SLCO1A2: variants seen among roughly 807,000 people sequenced by gnomAD.
SLCO1A2 encodes the protein OATP-1.
A neutral mutation model predicts 69.0 loss-of-function variants in SLCO1A2; 67 were observed. The observed-to-expected ratio is 0.97, with a 90% CI of 0.80 to 1.19. The LOEUF (loss-of-function observed/expected upper bound fraction) is 1.19, where lower values mean the gene tolerates loss of function less well. SLCO1A2 is among the 50% of genes most tolerant of loss of function. The probability of loss-of-function intolerance (pLI) is 0.00; values close to 1 mark genes in which losing one functional copy is unlikely to be tolerated. For synonymous variants in SLCO1A2, 260 were observed against 265.9 expected (o/e 0.98, Z 0.22); for missense variants, 787 against 793.7 (o/e 0.99, Z 0.10).
Position 21,304,481 on chromosome 12 carries a change from C to T in SLCO1A2, c.535G>A (p.Gly179Ser), listed in dbSNP as rs753971254. The part of the protein sequence containing the change: ...GMGETPILPL[G>S]ISYIEDFAKF... Reference sequence around the variant, plus strand: ...GCAAAATCTTCTATATAGGAAATACCCAAAGGCAGGATGGGAGTTTCACCC... The same window carrying T: ...GCAAAATCTTCTATATAGGAAATACTCAAAGGCAGGATGGGAGTTTCACCC... The change falls in exon 6 of 15, where the codon GGT (glycine) becomes AGT (serine). Residue 179 changes from glycine to serine, a missense_variant. Coordinates refer to ENST00000683939, the MANE Select transcript of SLCO1A2 (RefSeq NM_001386879.1). The T allele has an allele frequency of 6.2e-7, 1 of 1,612,234 alleles. No individual in the cohort carries two copies. The highest frequency in any genetic ancestry group is 8.5e-7 in the Non-Finnish European group (1 of 1,178,682).
chr12:21,419,571 G>C (rs112939833), upstream of SLCO1A2: 7,191 of 159,462 alleles, frequency 0.045, 194 homozygotes, highest in Middle Eastern at 0.077. Context: ...AGGGTCCTAC[G>C]CCCACGGAGT....
At chr12:21,376,181 A>C (rs186184195) in intron 1 of SLCO1A2, 1 of 153,826 alleles carries the variant, frequency 6.5e-6, no homozygotes, top group African/African-American at 2.4e-5. Flanking sequence ...CTTCCAACCA[A>C]TTATCAAAAT....
intron 12 of SLCO1A2, among the ~76,000 whole-genome samples, chr12:21,285,959 T>C (rs1945702203): frequency 6.6e-6 from 1 of 152,144 alleles, no homozygotes; most frequent in Admixed American, 6.6e-5. Context: ...AAGACAGGGA[T>C]GCCCTCTCTC....
At chr12:21,412,668 C>G (rs1941927173) in intron 1 of SLCO1A2, among the ~76,000 whole-genome samples, 1 of 152,170 alleles carries the variant, frequency 6.6e-6, no homozygotes, top group South Asian at 2.1e-4. Context: ...CAATGCTCCA[C>G]TGGAAACTAG....
chr12:21,382,050 C>A (rs12816621), intron 1 of SLCO1A2, among the ~76,000 whole-genome samples: 24,179 of 152,190 alleles, frequency 0.16, 2,001 homozygotes, highest in Non-Finnish European at 0.18. Flanking sequence ...CAGTACAATT[C>A]ACAGTTGCAA....
chr12:21,363,154 T>A (rs1939070509), intron 2 of SLCO1A2, among the ~76,000 whole-genome samples: 1 of 152,120 alleles, frequency 6.6e-6, no homozygotes, highest in African/African-American at 2.4e-5. Context: ...AGTAAAGCAC[T>A]CCTCAGCAAA....
intron 1 of SLCO1A2, among the ~76,000 whole-genome samples, chr12:21,393,558 G>T (rs1022567110): frequency 6.6e-6 from 1 of 152,092 alleles, no homozygotes. Flanking sequence ...ATTTGGCAAA[G>T]ATAAATAAAT....
At chr12:21,381,819 GA>G (rs1430603711) in intron 1 of SLCO1A2, among the ~76,000 whole-genome samples, 5 of 152,006 alleles carry the variant, frequency 3.3e-5, no homozygotes, top group African/African-American at 4.8e-5. Flanking sequence ...GAAAAAAGTA[GA>G]AAAACAATAG....
rs369513649 is a variant in SLCO1A2, at chr12:21,282,533, A to G, written c.1611-7109T>C. 1.4e-3 allele frequency among the ~76,000 whole-genome samples: 220 copies of G among 152,290 alleles called. 7 individuals are homozygous for G. In the South Asian group the frequency reaches 0.045, roughly 31 times the overall value. ...CCCTTATTCTGTAATCTGGGACATA[A>G]CAAGGATGCCCACTTTCACCATTGT... On this transcript the variant is annotated intron_variant, in intron 12 of 14. Transcript: ENST00000683939.
At chr12:21,353,694 C>A (rs1231603336) in intron 2 of SLCO1A2, among the ~76,000 whole-genome samples, 2 of 152,160 alleles carry the variant, frequency 1.3e-5, no homozygotes, top group African/African-American at 2.4e-5. Flanking sequence ...AGGGACCAGG[C>A]AGCAGGGCCA....
chr12:21,387,571 A>T (rs1940943229), intron 1 of SLCO1A2, among the ~76,000 whole-genome samples: 1 of 152,212 alleles, frequency 6.6e-6, no homozygotes, highest in Admixed American at 6.5e-5. Flanking sequence ...ACAGAAGTCA[A>T]GAATTGAGGT....
chr12:21,378,495 T>C lies in SLCO1A2; in HGVS notation c.-189-3970A>G, dbSNP rs376943595. On this transcript the variant is annotated intron_variant, in intron 1 of 15. Transcript: ENST00000307378. ...TTCCTGTATAATTTAACAGTGCCCT[T>C]TTCATCTCCAGTGTGAATATATGGT... 4.7e-6 allele frequency: 6 copies of C among 1,269,374 alleles called. No individual in the cohort carries two copies. The East Asian group carries it at 9.3e-5, about 20-fold the overall frequency. 78.6% of individuals were successfully genotyped at this position (1,269,374 alleles called of 1,614,324 possible).
At chr12:21,362,586 T>A (rs1459582996) in intron 2 of SLCO1A2, among the ~76,000 whole-genome samples, 2 of 152,156 alleles carry the variant, frequency 1.3e-5, no homozygotes, top group African/African-American at 4.8e-5. Context: ...AATGCTCCAA[T>A]TAGAAGACAC....
rs147791654 is a variant in SLCO1A2 at position 21,274,221 on chromosome 12, G to A, written c.1793+248C>T. 447 of 367,584 alleles carry A rather than the reference G, an allele frequency of 1.2e-3. 1 individual carries two copies. Among genetic ancestry groups the A allele is most frequent in the African/African-American group, 7.6e-3 (376 of 49,410 alleles). The allele number at this position is 367,584 out of a possible 1,614,324, so 22.8% of individuals were successfully genotyped here. A position where few individuals can be genotyped will look rare whatever the true frequency, so the allele number is the denominator to read the frequency against. ...TTGTGTTGACTGCTAAGAATTTAAC[G>A]AACAACACTTTGAAAGCCAAGGTTA... On this transcript the variant is annotated intron_variant, in intron 14 of 14. Coordinates refer to ENST00000683939, the MANE Select transcript of SLCO1A2 (RefSeq NM_001386879.1).
At chr12:21,362,833 A>C (rs189552328) in intron 2 of SLCO1A2, among the ~76,000 whole-genome samples, 2 of 152,366 alleles carry the variant, frequency 1.3e-5, no homozygotes, top group East Asian at 3.9e-4. Context: ...TCAATTCAAC[A>C]AGAAGAGCTA....
upstream of SLCO1A2, among the ~76,000 whole-genome samples, chr12:21,400,100 T>C (rs577451389): frequency 3.3e-5 from 5 of 151,678 alleles, no homozygotes; most frequent in Admixed American, 2.0e-4. Context: ...ACCTACAAAA[T>C]GGGAGGAAAT....
In SLCO1A2 at chr12:21,284,258, G is replaced by A. The variant is rs922693097; in HGVS notation, c.1610+7906C>T. On this transcript the variant is annotated intron_variant, in intron 12 of 14. Coordinates refer to ENST00000683939, the MANE Select transcript of SLCO1A2 (RefSeq NM_001386879.1). ...GCCATAAAAAAAAGAATGAGGGGGA[G>A]GAGCCAAGATGGCCAAATAGGAACA... 3.9e-4 allele frequency among the ~76,000 whole-genome samples: 60 copies of A among 152,110 alleles called. 2 individuals carry two copies. Among genetic ancestry groups the A allele is most frequent in the Admixed American group, 2.4e-3 (36 of 15,250 alleles).
At chr12:21,285,153 A>C (rs556374138) in intron 12 of SLCO1A2, among the ~76,000 whole-genome samples, 46 of 147,588 alleles carry the variant, frequency 3.1e-4, no homozygotes, top group Middle Eastern at 3.5e-3. Flanking sequence ...AAATAGACAC[A>C]ATAAAAAATG....
chr12:21,344,203 C>T (rs752723327), intron 2 of SLCO1A2, among the ~76,000 whole-genome samples: 11 of 151,990 alleles, frequency 7.2e-5, no homozygotes, highest in Non-Finnish European at 1.3e-4. Context: ...AACTATATTT[C>T]CTGCCTTTCG....
Sources: allele counts gnomAD v4.1 joint callset (sites outside exome capture counted in the v4.1 genomes callset), GRCh38; gene constraint gnomAD v4.1.1; transcripts MANE v1.5; gene names NCBI Gene and HGNC (gene_info 2026-07-23, HGNC 2026-07-21).